Variants in ZNF804B observed in about 807,000 individuals in gnomAD.
ZNF804B encodes zinc finger protein 804B.
ZNF804B carries 80 observed loss-of-function variants against 101.4 expected under a neutral mutation model. The ratio of observed to expected loss-of-function variants is 0.79; its 90% confidence interval spans 0.66 to 0.95. The LOEUF is 0.95. ZNF804B is among the 40% of genes least tolerant of loss of function. ZNF804B has a pLI of 0.00. For synonymous variants in ZNF804B, 622 were observed against 558.8 expected, an observed-to-expected ratio of 1.11 and a Z score of -1.59; for missense variants, 1,673 against 1,561.9, an observed-to-expected ratio of 1.07 and a Z score of -1.20.
chr7:89,272,165 C>T (rs1208847), intron 2 of ZNF804B, among the ~76,000 whole-genome samples: 1,774 of 152,128 alleles, frequency 0.012, 32 homozygotes, highest in African/African-American at 0.041. Flanking sequence ...TCAGTATCTG[C>T]GCTCATATTG....
chr7:89,127,587 T>C (rs1236664448), intron 1 of ZNF804B, among the ~76,000 whole-genome samples: 1 of 151,778 alleles, frequency 6.6e-6, no homozygotes, highest in Non-Finnish European at 1.5e-5. Flanking sequence ...GCTGGATCTC[T>C]AAGGAAGTAG....
At chr7:88,926,362 G>A (rs1183606933) in intron 1 of ZNF804B, among the ~76,000 whole-genome samples, 25 of 151,228 alleles carry the variant, frequency 1.7e-4, no homozygotes, top group Non-Finnish European at 1.3e-4. Flanking sequence ...TGAGGCAGGC[G>A]GATCACTTGA....
Position 89,336,597 on chromosome 7 carries a change from T to C in ZNF804B, c.3615T>C (p.Ser1205=), listed in dbSNP as rs1214256518. The C allele has an allele frequency of 6.2e-7, 1 of 1,614,122 alleles. No individual in the cohort carries two copies. ...CAGTTCCAGTTCACCAGCACACTTC[T>C]ATCACCACCATCCACCACACGTTCC... is the stretch of plus-strand genomic sequence containing the variant. ...VQTVPVHQHT[S]ITTIHHTFLQ... Residue 1205 remains serine, a synonymous_variant, in exon 4 of 4, where the codon TCT becomes TCC. Coordinates refer to ENST00000333190, the MANE Select transcript of ZNF804B (RefSeq NM_181646.5).
At chr7:88,797,235 T>G (rs1224169811) in intron 1 of ZNF804B, among the ~76,000 whole-genome samples, 1 of 151,980 alleles carries the variant, frequency 6.6e-6, no homozygotes, top group African/African-American at 2.4e-5. Context: ...TTTACTCACT[T>G]TAATATGCCT....
At position 89,334,643 on chromosome 7, in the gene ZNF804B, T is replaced by C; in HGVS notation, c.1661T>C (p.Leu554Ser). The C allele has an allele frequency of 6.2e-7, 1 of 1,613,818 alleles. No homozygotes were observed. The highest frequency in any genetic ancestry group is 1.1e-5 in the South Asian group (1 of 91,068). The change falls in exon 4 of 4, where the codon TTG becomes TCG. Residue 554 changes from leucine to serine, a missense_variant. Coordinates refer to ENST00000333190, the MANE Select transcript of ZNF804B (RefSeq NM_181646.5). The stretch of plus-strand genomic sequence containing the variant: ...GAAAAATTCCAGAGGAAATATAATT[T>C]GGACTACAGTGATTCTGAGCCAAAT... Reference protein sequence around the residue: ...DWEKFQRKYNLDYSDSEPNKS... With the variant: ...DWEKFQRKYNSDYSDSEPNKS...
At chr7:88,799,429 G>C (rs1790544504) in intron 1 of ZNF804B, among the ~76,000 whole-genome samples, 1 of 151,962 alleles carries the variant, frequency 6.6e-6, no homozygotes, top group Non-Finnish European at 1.5e-5. Flanking sequence ...TCCATATTCT[G>C]TCTACCTGGG....
intron 1 of ZNF804B, among the ~76,000 whole-genome samples, chr7:88,902,072 A>T (rs1278299450): frequency 6.6e-6 from 1 of 151,940 alleles, no homozygotes; most frequent in Non-Finnish European, 1.5e-5. Context: ...AGATATTACA[A>T]CATTCATCAT....
chr7:89,159,476 T>C (rs1791026235), intron 1 of ZNF804B, among the ~76,000 whole-genome samples: 2 of 152,090 alleles, frequency 1.3e-5, no homozygotes, highest in Non-Finnish European at 2.9e-5. Context: ...ACATGTAAAA[T>C]GGTGATTAGA....
intron 1 of ZNF804B, among the ~76,000 whole-genome samples, chr7:88,854,529 T>TCCTTTCCTTTCCTTTCCTTCC (rs1562812904): frequency 1.7e-5 from 1 of 57,922 alleles, no homozygotes; most frequent in African/African-American, 7.3e-5. Flanking sequence ...TTCCTTCCTT[T>TCCTTTCCTTTCCTTTCCTTCC]CCTTCCTTCC....
At chr7:89,311,562 G>A (rs942956733) in intron 2 of ZNF804B, among the ~76,000 whole-genome samples, 2 of 151,982 alleles carry the variant, frequency 1.3e-5, no homozygotes, top group African/African-American at 4.8e-5. Flanking sequence ...ATTTTTATTT[G>A]TTCATTACAG....
At chr7:89,120,034 A>C (rs1014080800) in intron 1 of ZNF804B, among the ~76,000 whole-genome samples, 4 of 152,118 alleles carry the variant, frequency 2.6e-5, no homozygotes, top group East Asian at 1.9e-4. Flanking sequence ...TTCACAGAAG[A>C]AGCACAGAAG....
At chr7:89,100,485 C>T (rs1790038480) in intron 1 of ZNF804B, among the ~76,000 whole-genome samples, 2 of 152,004 alleles carry the variant, frequency 1.3e-5, no homozygotes. Context: ...AGTTAAAAGC[C>T]TTCTGTGCAG....
At chr7:89,189,531 G>T (rs147732472) in intron 1 of ZNF804B, among the ~76,000 whole-genome samples, 1 of 152,260 alleles carries the variant, frequency 6.6e-6, no homozygotes, top group Non-Finnish European at 1.5e-5. Context: ...CTGATACAAA[G>T]TTATTTTTTA....
At chr7:89,108,219 G>A (rs1048642929) in intron 1 of ZNF804B, among the ~76,000 whole-genome samples, 3 of 108,468 alleles carry the variant, frequency 2.8e-5, no homozygotes, top group Non-Finnish European at 1.8e-5. Flanking sequence ...TATATAATTA[G>A]CTGCTTTTTT....
At chr7:88,919,095 C>T (rs989205514) in intron 1 of ZNF804B, among the ~76,000 whole-genome samples, 1 of 151,964 alleles carries the variant, frequency 6.6e-6, no homozygotes, top group Non-Finnish European at 1.5e-5. Flanking sequence ...TTACATTTCA[C>T]ATTAAAGCTA....
intron 2 of ZNF804B, among the ~76,000 whole-genome samples, chr7:89,283,386 C>T (rs1439854349): frequency 1.3e-5 from 2 of 152,004 alleles, no homozygotes; most frequent in Non-Finnish European, 2.9e-5. Context: ...CGTATGCTTG[C>T]AGTAAAAAAA....
chr7:89,259,869 A>G (rs1789685108), intron 2 of ZNF804B, among the ~76,000 whole-genome samples: 1 of 152,068 alleles, frequency 6.6e-6, no homozygotes, highest in Admixed American at 6.5e-5. Context: ...AATCCCAGCT[A>G]CTCGGGAGCC....
intron 1 of ZNF804B, among the ~76,000 whole-genome samples, chr7:89,119,776 T>C (rs1159845097): frequency 6.6e-6 from 1 of 152,178 alleles, no homozygotes; most frequent in African/African-American, 2.4e-5. Context: ...ACTAGCCTTG[T>C]TTGATAATCC....
In ZNF804B at chr7:89,007,507, TA is replaced by T. The variant is rs1236921982; in HGVS notation, c.109-210646del. 3.9e-4 allele frequency among the ~76,000 whole-genome samples: 3 copies of T among 7,620 alleles called. No individual in the cohort carries two copies. In the African/African-American group the frequency reaches 4.3e-3, roughly 11 times the overall value. 5.0% of individuals were successfully genotyped at this position (7,620 alleles called of 152,430 possible). On this transcript the variant is annotated intron_variant, in intron 1 of 3. Coordinates refer to ENST00000333190, the MANE Select transcript of ZNF804B (RefSeq NM_181646.5). ...ATATGTCAACCTAATATAATACATA[TA>T]ATTATATATAATATAATATATCTAT...
Sources: allele counts gnomAD v4.1 joint callset (sites outside exome capture counted in the v4.1 genomes callset), GRCh38; gene constraint gnomAD v4.1.1; transcripts MANE v1.5; gene names NCBI Gene and HGNC (gene_info 2026-07-23, HGNC 2026-07-21).